Variants in CELSR1 observed in about 807,000 individuals in gnomAD.
CELSR1 encodes cadherin EGF LAG seven-pass G-type receptor 1, also known as adhesion G protein-coupled receptor C1.
A neutral mutation model predicts 249.1 loss-of-function variants in CELSR1; 110 were observed. The observed-to-expected ratio is 0.44, with a 90% CI of 0.38 to 0.52. The LOEUF (loss-of-function observed/expected upper bound fraction) is 0.52. Ranked by LOEUF, CELSR1 falls within the 20% of genes least tolerant of loss-of-function variation. The probability of loss-of-function intolerance (pLI) is 0.00; values close to 1 mark genes in which losing one functional copy is unlikely to be tolerated. For synonymous variants in CELSR1, 2,113 were observed against 1,900.0 expected, an observed-to-expected ratio of 1.11 and a Z score of -2.92; for missense variants, 4,109 against 4,296.4, an observed-to-expected ratio of 0.96 and a Z score of 1.22.
chr22:46,496,214 A>C (rs2080412223), intron 1 of CELSR1, among the ~76,000 whole-genome samples: 1 of 120,982 alleles, frequency 8.3e-6, no homozygotes. Context: ...AAAAAAAAAA[A>C]AAAATTGACT....
rs1334192733 is a variant in CELSR1, at chr22:46,417,222, G to A, written c.4612-5463C>T. ...CCCGTGCCAGTTCTGGCATGGAGAC[G>A]ACAAGCTCTCCCTCGGAGGCAGCCA... On this transcript the variant is annotated intron_variant, in intron 5 of 34. Coordinates refer to ENST00000674500, the MANE Select transcript of CELSR1 (RefSeq NM_001378328.1). This position sits in a 1 kb window ranked among gnomAD's most constrained non-coding sequence, Gnocchi z 4.1. 1.3e-5 allele frequency among the ~76,000 whole-genome samples: 2 copies of A among 152,100 alleles called. No individual in the cohort carries two copies. The highest frequency in any genetic ancestry group is 2.9e-5 in the Non-Finnish European group (2 of 67,966).
At chr22:46,444,170 G>C (rs1457137093) in intron 2 of CELSR1, among the ~76,000 whole-genome samples, 1 of 152,232 alleles carries the variant, frequency 6.6e-6, no homozygotes, top group Non-Finnish European at 1.5e-5. Context: ...CTCCGGGTCG[G>C]AACTCACTCT....
chr22:46,391,098 A>C lies in CELSR1; in HGVS notation c.6250+88T>G. 9.1e-7 allele frequency: 1 copy of C among 1,101,566 alleles called. No individual in the cohort carries two copies. 68.2% of individuals were successfully genotyped at this position (1,101,566 alleles called of 1,614,324 possible). A position where few individuals can be genotyped will look rare whatever the true frequency, so the allele number is the denominator to read the frequency against. On this transcript the variant is annotated intron_variant, in intron 16 of 34. Transcript: ENST00000674500. This position sits in a 1 kb window ranked among gnomAD's most constrained non-coding sequence, Gnocchi z 4.3. Reference sequence around the variant, plus strand: ...TGCCTGCGGATATTTTTTCAACACGAAACATTCCATGAGTCCCCACATCTC... The same window carrying C: ...TGCCTGCGGATATTTTTTCAACACGCAACATTCCATGAGTCCCCACATCTC...
chr22:46,508,859 C>T (rs1483609807), intron 1 of CELSR1, among the ~76,000 whole-genome samples: 1 of 152,144 alleles, frequency 6.6e-6, no homozygotes, highest in Admixed American at 6.5e-5. Context: ...GGAAACTGGG[C>T]CCCGGGGACC....
intron 2 of CELSR1, chr22:46,462,676 C>T (rs2080044971): frequency 4.0e-6 from 1 of 251,414 alleles, no homozygotes. Context: ...AGACTATTCA[C>T]CACTGGGACC....
intron 1 of CELSR1, among the ~76,000 whole-genome samples, chr22:46,497,720 G>C (rs1030330037): frequency 6.6e-6 from 1 of 152,050 alleles, no homozygotes; most frequent in African/African-American, 2.4e-5. Flanking sequence ...ATCTTCTGGG[G>C]GTGGGGGACA....
chr22:46,378,829 C>A (rs571959304), intron 22 of CELSR1, 112 bp from the exon 23 acceptor site: 4 of 1,385,388 alleles, frequency 2.9e-6, no homozygotes, highest in East Asian at 2.5e-5. Context: ...CTGGCCAAAC[C>A]AAACAGCAGG....
intron 31 of CELSR1, 43 bp downstream of exon 31, chr22:46,365,543 G>A (rs553361263): frequency 2.3e-5 from 36 of 1,554,858 alleles, no homozygotes; most frequent in Non-Finnish European, 3.1e-5. Context: ...AGGGACGTGG[G>A]AAAAACAACC....
chr22:46,436,876 T>C lies in CELSR1; in HGVS notation c.4407-587A>G, dbSNP rs559576856. ...CACTCAGGGGTCAACCCAGCTGTACTTGCCCTGACTCATTGTACTCTACCT... is the reference window on the plus strand; with the variant it reads ...CACTCAGGGGTCAACCCAGCTGTACCTGCCCTGACTCATTGTACTCTACCT... On this transcript the variant is annotated intron_variant, in intron 3 of 34. Transcript: ENST00000674500. The surrounding 1 kb of genome is among the most constrained non-coding windows in gnomAD (Gnocchi z 5.9). 6.6e-6 allele frequency among the ~76,000 whole-genome samples: 1 copy of C among 152,286 alleles called. No individual in the cohort carries two copies. Among genetic ancestry groups the C allele is most frequent in the Admixed American group, 6.5e-5 (1 of 15,300 alleles).
rs2079821735 is a variant in CELSR1, at chr22:46,446,451, T to A, written c.4184-7040A>T. On this transcript the variant is annotated intron_variant, in intron 2 of 34. Coordinates refer to ENST00000674500, the MANE Select transcript of CELSR1 (RefSeq NM_001378328.1). The surrounding 1 kb of genome is among the most constrained non-coding windows in gnomAD (Gnocchi z 5.5). ...TCCACATCCAGCCCTGCTTGTGCGA[T>A]GGTTCCCCCGTGTGTTTCTCTCCCC... Among the ~76,000 whole-genome samples the A allele has an allele frequency of 6.6e-6, 1 of 152,172 alleles. No individual in the cohort carries two copies. The highest frequency in any genetic ancestry group is 1.5e-5 in the Non-Finnish European group (1 of 68,040).
At position 46,427,352 on chromosome 22, in the gene CELSR1, A is replaced by G. The variant is rs2079548034; in HGVS notation, c.4611+6041T>C. On this transcript the variant is annotated intron_variant, in intron 5 of 34. Transcript: ENST00000674500. This position sits in a 1 kb window ranked among gnomAD's most constrained non-coding sequence, Gnocchi z 4.2. The stretch of plus-strand genomic sequence containing the variant: ...GGAGTTTGAAAACAACCTGGCCAAC[A>G]TGGTGAAACTCCAATCTCTACTAAA... 6.6e-6 allele frequency among the ~76,000 whole-genome samples: 1 copy of G among 152,168 alleles called. No individual in the cohort carries two copies. The highest frequency in any genetic ancestry group is 2.4e-5 in the African/African-American group (1 of 41,428).
chr22:46,418,318 T>C lies in CELSR1; in HGVS notation c.4612-6559A>G, dbSNP rs529719089. Among the ~76,000 whole-genome samples the C allele has an allele frequency of 3.5e-4, 53 of 151,914 alleles. 1 individual carries two copies. The highest frequency in any genetic ancestry group is 6.8e-3 in the Middle Eastern group (2 of 294). On this transcript the variant is annotated intron_variant, in intron 5 of 34. Coordinates refer to ENST00000674500, the MANE Select transcript of CELSR1 (RefSeq NM_001378328.1). Reference sequence around the variant, plus strand: ...CAACAAGGTGAAACCCCATCTCTACTGAAAAAATACAAAAAAAATTAGCCA... The same window carrying C: ...CAACAAGGTGAAACCCCATCTCTACCGAAAAAATACAAAAAAAATTAGCCA...
chr22:46,513,055 T>C (rs1804936174), intron 1 of CELSR1, among the ~76,000 whole-genome samples: 1 of 152,142 alleles, frequency 6.6e-6, no homozygotes, highest in Admixed American at 6.5e-5. Flanking sequence ...GTGGAGTGAA[T>C]AGGAGGCCAT....
At position 46,490,452 on chromosome 22, in the gene CELSR1, A is replaced by G. The variant is rs901836134; in HGVS notation, c.3545-26107T>C. Among the ~76,000 whole-genome samples, 1 of 151,832 alleles carries G rather than the reference A, an allele frequency of 6.6e-6. No homozygotes were observed. The highest frequency in any genetic ancestry group is 1.5e-5 in the Non-Finnish European group (1 of 67,970). On this transcript the variant is annotated intron_variant, in intron 1 of 34. Transcript: ENST00000674500. The surrounding 1 kb of genome is among the most constrained non-coding windows in gnomAD (Gnocchi z 5.2). The stretch of plus-strand genomic sequence containing the variant: ...CAGGCACCCACCATCTCGTCTGGCT[A>G]ATTTTTGTATTTTTAGTAGAGACGG...
In CELSR1 at chr22:46,439,409, C is replaced by T; in HGVS notation, c.4186G>A (p.Glu1396Lys). ...GAGCGGGCATCCACCTCACAGTGCT[C>T]TCCTGGGGGGCGAGAGGAAGATGCC... ...TCECFEDFTG[E>K]HCEVDARSGR... is the part of the protein sequence containing the mutation. The change falls in exon 3 of 35, where the codon GAG (glutamate) becomes AAG (lysine). Residue 1396 changes from glutamate to lysine, a missense_variant and splice_region_variant. Transcript: ENST00000674500. 1.9e-6 allele frequency: 3 copies of T among 1,611,474 alleles called. No individual in the cohort carries two copies. Among genetic ancestry groups the T allele is most frequent in the Non-Finnish European group, 2.5e-6 (3 of 1,179,440 alleles).
In CELSR1 at chr22:46,407,141, G is replaced by T. The variant is rs1171751373; in HGVS notation, c.5226+1855C>A. 6.6e-6 allele frequency among the ~76,000 whole-genome samples: 1 copy of T among 152,236 alleles called. No individual in the cohort carries two copies. Among genetic ancestry groups the T allele is most frequent in the Non-Finnish European group, 1.5e-5 (1 of 68,044 alleles). Reference sequence around the variant, plus strand: ...AGGAGGGAGCCCCAGGCTCACTCTGGTTGGAGATAATGAACAACCAGAAGG... The same window carrying T: ...AGGAGGGAGCCCCAGGCTCACTCTGTTTGGAGATAATGAACAACCAGAAGG... On this transcript the variant is annotated intron_variant, in intron 9 of 34. Coordinates refer to ENST00000674500, the MANE Select transcript of CELSR1 (RefSeq NM_001378328.1). This position sits in a 1 kb window ranked among gnomAD's most constrained non-coding sequence, Gnocchi z 4.8.
chr22:46,377,222 C>T lies in CELSR1; in HGVS notation c.7423G>A (p.Ala2475Thr), dbSNP rs776000397. 1.7e-5 allele frequency: 28 copies of T among 1,613,786 alleles called. No individual in the cohort carries two copies. The highest frequency in any genetic ancestry group is 7.7e-5 in the South Asian group (7 of 91,076). ...AGGGCTGCCAGTGACAAGGACACAGCGGCATAGGTGACAATCTTCAGAGGC... is the reference window on the plus strand; with the variant it reads ...AGGGCTGCCAGTGACAAGGACACAGTGGCATAGGTGACAATCTTCAGAGGC... Reference protein sequence around the residue: ...VLPLKIVTYAAVSLSLAALLV... With the variant: ...VLPLKIVTYATVSLSLAALLV... The change falls in exon 24 of 35, where the codon GCT (alanine) becomes ACT (threonine). Residue 2475 changes from alanine (A) to threonine (T), a missense_variant. Around this residue, in one of 7 missense-constraint regions of CELSR1, gnomAD observed 1,805 missense variants for 1,831.6 expected, o/e 0.99. Coordinates refer to ENST00000674500, the MANE Select transcript of CELSR1 (RefSeq NM_001378328.1).
At chr22:46,507,496 C>A (rs896067685) in intron 1 of CELSR1, among the ~76,000 whole-genome samples, 3 of 152,112 alleles carry the variant, frequency 2.0e-5, no homozygotes, top group African/African-American at 4.8e-5. Context: ...CTCTGTGTGG[C>A]CCTGGCTCAG....
intron 24 of CELSR1, among the ~76,000 whole-genome samples, chr22:46,375,659 T>G (rs2078911429): frequency 6.6e-6 from 1 of 151,924 alleles, no homozygotes; most frequent in African/African-American, 2.4e-5. Flanking sequence ...TTCTCATGTT[T>G]CAGCCTCCCA....
Sources: gnomAD v4.1 joint callset for allele counts (sites outside exome capture counted in the v4.1 genomes callset) on GRCh38, gnomAD v4.1.1 for gene constraint, gnomAD v4.1.1 regional missense constraint, Gnocchi (gnomAD v3.1) non-coding constraint, MANE v1.5 for transcripts, NCBI Gene and HGNC (gene_info 2026-07-23, HGNC 2026-07-21) for gene names.